Variants in SLC9A3 observed in about 807,000 individuals in gnomAD.
The protein encoded by SLC9A3 is sodium/hydrogen exchanger 3.
Under a neutral mutation model 86.8 loss-of-function variants are expected in SLC9A3, and 37 were observed. The ratio of observed to expected loss-of-function variants is 0.43; its 90% CI spans 0.33 to 0.56. The LOEUF (loss-of-function observed/expected upper bound fraction) is 0.56, where lower values mean the gene tolerates loss of function less well. SLC9A3 is among the 20% of genes least tolerant of loss of function. The pLI, the probability that SLC9A3 is intolerant of heterozygous loss-of-function variation, is 0.06. For synonymous variants in SLC9A3, 581 were observed against 528.3 expected, an observed-to-expected ratio of 1.10 and a Z score of -1.37; for missense variants, 1,011 against 1,171.9, an observed-to-expected ratio of 0.86 and a Z score of 2.00.
At position 471,392 on chromosome 5, in the gene SLC9A3, C is replaced by T. The variant is rs756256218; in HGVS notation, c.*1987G>A. On this transcript the variant is annotated 3_prime_UTR_variant, in exon 17 of 17. Coordinates refer to ENST00000264938, the MANE Select transcript of SLC9A3 (RefSeq NM_004174.4). ...AATCGCCATGCATTGCGCGGTGGAC[C>T]GCACGACGCTCCTGCTCTGTTCTCC... 1.8e-5 allele frequency: 5 copies of T among 284,792 alleles called. No individual in the cohort carries two copies. Among genetic ancestry groups the T allele is most frequent in the Admixed American group, 4.9e-5 (1 of 20,302 alleles). 17.6% of individuals were successfully genotyped at this position (284,792 alleles called of 1,614,324 possible). A position where few individuals can be genotyped will look rare whatever the true frequency, so the allele number is the denominator to read the frequency against.
intron 10 of SLC9A3, 24 bp from the exon 11 acceptor site, chr5:477,468 C>A (rs199628474): frequency 4.5e-6 from 7 of 1,571,132 alleles, no homozygotes; most frequent in Non-Finnish European, 6.1e-6. Context: ...GCAGCCCGGT[C>A]AGTGGCCTGA....
chr5:471,871 C>T lies in SLC9A3; in HGVS notation c.*1508G>A, dbSNP rs1415775001. ...TATCAATGGGAAATTGTGGACTTTT[C>T]CCACCAGGGACTCAATGGGGACTCA... On this transcript the variant is annotated 3_prime_UTR_variant, in exon 17 of 17. Coordinates refer to ENST00000264938, the MANE Select transcript of SLC9A3 (RefSeq NM_004174.4). The T allele has an allele frequency of 2.2e-6, 1 of 456,650 alleles. No individual in the cohort carries two copies. Among genetic ancestry groups the T allele is most frequent in the South Asian group, 1.5e-5 (1 of 64,572 alleles). 28.3% of individuals were successfully genotyped at this position (456,650 alleles called of 1,614,324 possible).
intron 1 of SLC9A3, among the ~76,000 whole-genome samples, chr5:522,876 G>A (rs2126663230): frequency 6.6e-6 from 1 of 152,276 alleles, no homozygotes; most frequent in East Asian, 1.9e-4. Context: ...CCTCCCTGAT[G>A]CCCCAGGGGC....
chr5:507,163 C>CATCTTTTTTTTT, intron 1 of SLC9A3, among the ~76,000 whole-genome samples: 1 of 34,754 alleles, frequency 2.9e-5, no homozygotes, highest in Non-Finnish European at 5.6e-5. Flanking sequence ...CCGGCTGCTG[C>CATCTTTTTTTTT]TTCTTTTTTT....
At position 497,036 on chromosome 5, in the gene SLC9A3, C is replaced by T. The variant is rs574185126; in HGVS notation, c.212-4965G>A. Among the ~76,000 whole-genome samples the T allele has an allele frequency of 4.1e-4, 63 of 152,176 alleles. 1 individual carries two copies. The South Asian group carries it at 0.011, about 28-fold the overall frequency. On this transcript the variant is annotated intron_variant, in intron 1 of 16. Transcript: ENST00000264938. This position sits in a 1 kb window ranked among gnomAD's most constrained non-coding sequence, Gnocchi z 5.4. Reference sequence around the variant, plus strand: ...CACCACTACATTCCAGCCTGGGCGACGGAGGCCTTGTCTCAAAAAAAAAAT... The same window carrying T: ...CACCACTACATTCCAGCCTGGGCGATGGAGGCCTTGTCTCAAAAAAAAAAT...
rs140474355 is a variant in SLC9A3 at position 484,656 on chromosome 5, C to T, written c.796G>A (p.Val266Met). The T allele has an allele frequency of 8.4e-4, 1,363 of 1,613,098 alleles. 4 individuals are homozygous for T. Among genetic ancestry groups the T allele is most frequent in the Middle Eastern group, 8.4e-3 (51 of 6,062 alleles). Residue 266 changes from valine to methionine, a missense_variant, in exon 5 of 17, where the codon GTG (valine) becomes ATG (methionine). By Grantham distance (21) the Val-to-Met change is conservative. This residue lies in a region of SLC9A3 where 565 missense variants were observed against 790.0 expected (regional missense o/e 0.72). Transcript: ENST00000264938. Reference sequence around the variant, plus strand: ...AGCGACAGCAGGAAGGCGAAGACCACCCCCACCAGCGTGCCCCCCAGGCTC... The same window carrying T: ...AGCGACAGCAGGAAGGCGAAGACCATCCCCACCAGCGTGCCCCCCAGGCTC... ...VVSLGGTLVG[V>M]VFAFLLSLVT... is the part of the protein sequence containing the mutation.
At chr5:482,200 C>A (rs1041785090) in intron 7 of SLC9A3, 43 bp from the exon 8 acceptor site, 2 of 1,476,174 alleles carry the variant, frequency 1.4e-6, no homozygotes, top group Admixed American at 1.7e-5. Flanking sequence ...GGCAGCCCCC[C>A]ACATCCCGCT....
At chr5:524,042 G>C in intron 1 of SLC9A3, 70 bp downstream of exon 1, 2 of 1,087,154 alleles carry the variant, frequency 1.8e-6, no homozygotes, top group Non-Finnish European at 2.5e-6. Flanking sequence ...CGGCCACAAC[G>C]AAGCCCCCAG....
chr5:480,065 T>C, intron 9 of SLC9A3, 100 bp from the exon 10 acceptor site: 2 of 1,381,084 alleles, frequency 1.4e-6, no homozygotes, highest in Non-Finnish European at 2.0e-6. Flanking sequence ...TTGTTTGCTA[T>C]AGTGACCCTG....
rs771382522 is a variant in SLC9A3 at position 483,476 on chromosome 5, G to A, written c.939C>T (p.Thr313=). ...MLSLSAILAI[T]FCGICCQKYV... ...ACTTCTGACAGCAGATGCCACAGAA[G>A]GTGATGCTGCAGGGACAGACGCGCC... Residue 313 remains threonine, a synonymous_variant, in exon 6 of 17, where the codon ACC becomes ACT. Coordinates refer to ENST00000264938, the MANE Select transcript of SLC9A3 (RefSeq NM_004174.4). 6.4e-6 allele frequency: 10 copies of A among 1,573,514 alleles called. No individual in the cohort carries two copies. The highest frequency in any genetic ancestry group is 1.2e-5 in the South Asian group (1 of 85,866).
At position 479,901 on chromosome 5, in the gene SLC9A3, G is replaced by C. The variant is rs1739050337; in HGVS notation, c.1582C>G (p.Arg528Gly). The change falls in exon 10 of 17, where the codon CGA (arginine) becomes GGA (glycine). Residue 528 changes from arginine to glycine, a missense_variant. Transcript: ENST00000264938. ...VLMRRSAQKS[R>G]DRILNVFHEL... is the part of the protein sequence containing the mutation. ...TGGAAGACATTCAGGATCCGGTCTC[G>C]AGACTTCTGGGCCGACCGTCTCATG... The C allele has an allele frequency of 6.2e-7, 1 of 1,613,982 alleles. No homozygotes were observed. The highest frequency in any genetic ancestry group is 1.1e-5 in the South Asian group (1 of 91,084).
intron 1 of SLC9A3, among the ~76,000 whole-genome samples, chr5:520,558 C>T (rs1039599323): frequency 6.6e-6 from 1 of 152,178 alleles, no homozygotes; most frequent in African/African-American, 2.4e-5. Context: ...CGGAATCTCC[C>T]CGGTGCCATT....
At chr5:510,743 C>T (rs71597644) in intron 1 of SLC9A3, among the ~76,000 whole-genome samples, 88 of 152,158 alleles carry the variant, frequency 5.8e-4, no homozygotes, top group Non-Finnish European at 1.1e-3. Flanking sequence ...CCTGGGGAAT[C>T]CTGCGGGGGG....
chr5:496,584 C>T lies in SLC9A3; in HGVS notation c.212-4513G>A, dbSNP rs1171785426. Among the ~76,000 whole-genome samples, 2 of 152,232 alleles carry T rather than the reference C, an allele frequency of 1.3e-5. No homozygotes were observed. Among genetic ancestry groups the T allele is most frequent in the African/African-American group, 4.8e-5 (2 of 41,468 alleles). On this transcript the variant is annotated intron_variant, in intron 1 of 16. Coordinates refer to ENST00000264938, the MANE Select transcript of SLC9A3 (RefSeq NM_004174.4). The surrounding 1 kb of genome is among the most constrained non-coding windows in gnomAD (Gnocchi z 4.7). ...CAAAAATGTTGCTCTCATCTTTCCACTTTGTCTTCTGTCATTTTGCTCCAT... is the reference window on the plus strand; with the variant it reads ...CAAAAATGTTGCTCTCATCTTTCCATTTTGTCTTCTGTCATTTTGCTCCAT...
At chr5:488,260 C>T (rs375627222) in intron 3 of SLC9A3, 56 bp downstream of exon 3, 85 of 1,587,644 alleles carry the variant, frequency 5.4e-5, no homozygotes, top group South Asian at 2.9e-4. Context: ...GGGGGTGAGA[C>T]GGGGCCCAGG....
At chr5:524,045 G>A in intron 1 of SLC9A3, 67 bp downstream of exon 1, 9 of 1,104,276 alleles carry the variant, frequency 8.2e-6, no homozygotes, top group Non-Finnish European at 1.1e-5. Flanking sequence ...CCACAACGAA[G>A]CCCCCAGGCC....
At chr5:517,746 C>T (rs1036559781) in intron 1 of SLC9A3, among the ~76,000 whole-genome samples, 2 of 149,586 alleles carry the variant, frequency 1.3e-5, no homozygotes, top group African/African-American at 2.5e-5. Context: ...CATCCATTCA[C>T]CCATCCATCC....
rs1739174716 is a variant in SLC9A3 at position 481,691 on chromosome 5, G to A, written c.1447-56C>T. 3 of 1,440,754 alleles carry A rather than the reference G, an allele frequency of 2.1e-6. No homozygotes were observed. The South Asian group carries it at 3.4e-5, about 16-fold the overall frequency. 89.2% of individuals were successfully genotyped at this position (1,440,754 alleles called of 1,614,324 possible). ...GGGGCGGCCAACCGGGGAACATGAG[G>A]TGCCCCTCCACTCCTGGCCCAGCCC... On this transcript the variant is annotated intron_variant, in intron 8 of 16. Transcript: ENST00000264938.
Position 473,226 on chromosome 5 carries a change from T to C in SLC9A3, c.*153A>G, listed in dbSNP as rs2126598472. 5 of 846,648 alleles carry C rather than the reference T, an allele frequency of 5.9e-6. No homozygotes were observed. 52.4% of individuals were successfully genotyped at this position (846,648 alleles called of 1,614,324 possible). On this transcript the variant is annotated 3_prime_UTR_variant, in exon 17 of 17. Transcript: ENST00000264938. ...CGCAGGCGCGGCACTCTCGGAGTTCTGCGCAGGCGCTGGCGTGGGCGAGGC... is the reference window on the plus strand; with the variant it reads ...CGCAGGCGCGGCACTCTCGGAGTTCCGCGCAGGCGCTGGCGTGGGCGAGGC...
Sources: allele counts gnomAD v4.1 joint callset (sites outside exome capture counted in the v4.1 genomes callset), GRCh38; gene constraint gnomAD v4.1.1; regional missense constraint gnomAD v4.1.1; non-coding constraint Gnocchi (gnomAD v3.1); transcripts MANE v1.5; gene names NCBI Gene and HGNC (gene_info 2026-07-23, HGNC 2026-07-21).